DAP: variants seen among roughly 807,000 people sequenced by gnomAD.
DAP encodes the protein death-associated protein 1.
Under a neutral mutation model 13.8 loss-of-function variants are expected in DAP, and 8 were observed. That is an observed-to-expected ratio of 0.58 (90% CI 0.34 to 1.05). DAP has a LOEUF of 1.05. Among genes scored for constraint, DAP ranks in the 50% least tolerant of loss-of-function variants. The pLI, the probability that DAP is intolerant of heterozygous loss-of-function variation, is 0.03. For missense variants in DAP, 106 were observed against 133.2 expected, an observed-to-expected ratio of 0.80 and a Z score of 1.01; for synonymous variants, 47 against 47.5, an observed-to-expected ratio of 0.99 and a Z score of 0.04.
chr5:10,717,046 G>A (rs953591774), intron 2 of DAP, among the ~76,000 whole-genome samples: 7 of 152,146 alleles, frequency 4.6e-5, no homozygotes, highest in East Asian at 1.9e-4. Flanking sequence ...CTGATTCACC[G>A]CTTGTGAGAA....
At chr5:10,691,073 A>G (rs533622764) in intron 2 of DAP, among the ~76,000 whole-genome samples, 2 of 152,370 alleles carry the variant, frequency 1.3e-5, no homozygotes, top group South Asian at 4.1e-4. Context: ...CCACAGAATA[A>G]TAAATATCAA....
chr5:10,758,874 G>A (rs1740265060), intron 1 of DAP, among the ~76,000 whole-genome samples: 1 of 152,180 alleles, frequency 6.6e-6, no homozygotes, highest in African/African-American at 2.4e-5. Flanking sequence ...AGTCCAGCAA[G>A]GAATTTCTCC....
intron 3 of DAP, 85 bp from the exon 4 acceptor site, chr5:10,681,254 G>T: frequency 9.4e-7 from 1 of 1,058,662 alleles, no homozygotes; most frequent in Non-Finnish European, 1.3e-6. Flanking sequence ...GTGCCCACCA[G>T]CGTCCCTGCG....
At chr5:10,703,338 T>C (rs1228695981) in intron 2 of DAP, among the ~76,000 whole-genome samples, 1 of 152,068 alleles carries the variant, frequency 6.6e-6, no homozygotes, top group Non-Finnish European at 1.5e-5. Context: ...GTGTGCTGAG[T>C]TGGGGCTGAG....
At chr5:10,733,016 G>C (rs1739503797) in intron 2 of DAP, among the ~76,000 whole-genome samples, 1 of 152,108 alleles carries the variant, frequency 6.6e-6, no homozygotes, top group Admixed American at 6.5e-5. Context: ...GACTACTTTA[G>C]ATACTGCATA....
chr5:10,760,895 G>C, intron 1 of DAP, 119 bp downstream of exon 1: 4 of 602,664 alleles, frequency 6.6e-6, no homozygotes, highest in Non-Finnish European at 9.2e-6. Flanking sequence ...CGGGCATCAA[G>C]GCCCGGAACC....
rs1327567934 is a variant in DAP, at chr5:10,680,502, G to A, written c.*554C>T. The A allele has an allele frequency of 3.6e-6, 2 of 557,702 alleles. No homozygotes were observed. The highest frequency in any genetic ancestry group is 4.1e-4 in the Middle Eastern group (1 of 2,454). The allele number at this position is 557,702 out of a possible 1,614,324, so 34.5% of individuals were successfully genotyped here. A position where few individuals can be genotyped will look rare whatever the true frequency, so the allele number is the denominator to read the frequency against. On this transcript the variant is annotated 3_prime_UTR_variant, in exon 4 of 4. Coordinates refer to ENST00000230895, the MANE Select transcript of DAP (RefSeq NM_004394.3). Reference sequence around the variant, plus strand: ...CATGCTTTTTCGGCTTTTCTCATGGGTGCCTCATCAGCCTGCACAGGATCC... The same window carrying A: ...CATGCTTTTTCGGCTTTTCTCATGGATGCCTCATCAGCCTGCACAGGATCC...
At chr5:10,750,630 G>C (rs759374921) in intron 1 of DAP, among the ~76,000 whole-genome samples, 12 of 152,048 alleles carry the variant, frequency 7.9e-5, no homozygotes, top group Non-Finnish European at 1.8e-4. Flanking sequence ...AAATTCACCA[G>C]GTATTTGATG....
chr5:10,737,632 T>C (rs1411394205), intron 2 of DAP, among the ~76,000 whole-genome samples: 2 of 152,368 alleles, frequency 1.3e-5, no homozygotes, highest in Middle Eastern at 3.4e-3. Flanking sequence ...AGATTTAAGC[T>C]GGCACATTGC....
At chr5:10,746,415 C>T (rs193272001) in intron 2 of DAP, among the ~76,000 whole-genome samples, 45 of 151,662 alleles carry the variant, frequency 3.0e-4, no homozygotes, top group African/African-American at 1.0e-3. Flanking sequence ...ATGCAACCTC[C>T]GCCTCCTGAG....
chr5:10,715,151 C>T (rs751827447), intron 2 of DAP, among the ~76,000 whole-genome samples: 5 of 152,130 alleles, frequency 3.3e-5, no homozygotes, highest in African/African-American at 9.7e-5. Context: ...GTTATATGGA[C>T]AGTTGCTGAG....
chr5:10,717,301 A>G lies in DAP; in HGVS notation c.152+30874T>C, dbSNP rs181462265. ...CTGAAATTGTGGAAAAACAGACACAAGCCCTTATGATGTGAGTGGCTGACC... is the reference window on the plus strand; with the variant it reads ...CTGAAATTGTGGAAAAACAGACACAGGCCCTTATGATGTGAGTGGCTGACC... On this transcript the variant is annotated intron_variant, in intron 2 of 3. Coordinates refer to ENST00000230895, the MANE Select transcript of DAP (RefSeq NM_004394.3). Among the ~76,000 whole-genome samples the G allele has an allele frequency of 3.2e-3, 488 of 152,330 alleles. 1 individual carries two copies. The highest frequency in any genetic ancestry group is 0.011 in the African/African-American group (444 of 41,562).
At chr5:10,685,601 AGCAGG>A (rs1738136313) in intron 2 of DAP, among the ~76,000 whole-genome samples, 2 of 152,364 alleles carry the variant, frequency 1.3e-5, no homozygotes, top group African/African-American at 4.8e-5. Flanking sequence ...AACAGCCTGA[AGCAGG>A]GATGGCCCCA....
At chr5:10,695,163 C>T (rs948241362) in intron 2 of DAP, among the ~76,000 whole-genome samples, 1 of 152,258 alleles carries the variant, frequency 6.6e-6, no homozygotes, top group Non-Finnish European at 1.5e-5. Flanking sequence ...TAACATCATT[C>T]TTCAGAGTGT....
intron 2 of DAP, among the ~76,000 whole-genome samples, chr5:10,713,167 T>C (rs569932240): frequency 1.8e-4 from 27 of 152,240 alleles, no homozygotes; most frequent in Non-Finnish European, 3.2e-4. Flanking sequence ...AAAGGCTCCA[T>C]AATCGATTCC....
intron 2 of DAP, among the ~76,000 whole-genome samples, chr5:10,740,512 A>T (rs267954): frequency 0.58 from 87,936 of 151,988 alleles, 26,763 homozygotes; most frequent in Non-Finnish European, 0.68. Flanking sequence ...GAAAAACAGA[A>T]ATAAAGAGAA....
chr5:10,711,551 G>A (rs141354479), intron 2 of DAP, among the ~76,000 whole-genome samples: 14 of 152,266 alleles, frequency 9.2e-5, no homozygotes, highest in African/African-American at 2.4e-4. Flanking sequence ...TAACTTCTAC[G>A]CTCTCTTACT....
intron 2 of DAP, among the ~76,000 whole-genome samples, chr5:10,704,880 G>A (rs995057002): frequency 5.3e-5 from 8 of 152,228 alleles, no homozygotes; most frequent in African/African-American, 1.9e-4. Context: ...CCCTGTGGTC[G>A]AGGGAATGGG....
intron 2 of DAP, among the ~76,000 whole-genome samples, chr5:10,709,359 A>C (rs1042757261): frequency 6.6e-6 from 1 of 152,218 alleles, no homozygotes; most frequent in African/African-American, 2.4e-5. Flanking sequence ...GAGCTCACAC[A>C]GTGTGACTAC....
Sources: allele counts gnomAD v4.1 joint callset (sites outside exome capture counted in the v4.1 genomes callset), GRCh38; gene constraint gnomAD v4.1.1; transcripts MANE v1.5; gene names NCBI Gene and HGNC (gene_info 2026-07-23, HGNC 2026-07-21).